ADAMTS3: variants seen among roughly 807,000 people sequenced by gnomAD.
ADAMTS3 encodes A disintegrin and metalloproteinase with thrombospondin motifs 3.
In ADAMTS3, 73 loss-of-function variants were observed where a neutral mutation model predicts 129.0. The ratio of observed to expected loss-of-function variants is 0.57; its 90% confidence interval spans 0.47 to 0.69. The LOEUF (loss-of-function observed/expected upper bound fraction) is 0.69. ADAMTS3 is among the 30% of genes least tolerant of loss of function. The pLI is 0.00. For missense variants in ADAMTS3, 1,457 were observed against 1,514.5 expected, an observed-to-expected ratio of 0.96 and a Z score of 0.63; for synonymous variants, 477 against 510.8, an observed-to-expected ratio of 0.93 and a Z score of 0.89.
chr4:72,318,575 G>A lies in ADAMTS3; in HGVS notation c.1482C>T (p.Thr494=), dbSNP rs781311572. The A allele has an allele frequency of 6.8e-6, 11 of 1,613,292 alleles. No individual in the cohort carries two copies. Among genetic ancestry groups the A allele is most frequent in the African/African-American group, 4.0e-5 (3 of 74,968 alleles). The change falls in exon 10 of 22, where the codon ACC becomes ACT. Residue 494 remains threonine, a synonymous_variant. Coordinates refer to ENST00000286657, the MANE Select transcript of ADAMTS3 (RefSeq NM_014243.3). The stretch of plus-strand genomic sequence containing the variant: ...ACATCAACTGTGAGCAACATACCGC[G>A]GTGCACATTTTATAGCCAACACCAA... ...FDFGVGYKMC[T]AFRTFDPCKQ... is the part of the protein sequence containing the mutation.
At chr4:72,468,542 TC>T (rs1718980870) in intron 3 of ADAMTS3, among the ~76,000 whole-genome samples, 1 of 152,024 alleles carries the variant, frequency 6.6e-6, no homozygotes, top group South Asian at 2.1e-4. Flanking sequence ...ATTAAAAGAC[TC>T]CCCATACCTA....
chr4:72,316,674 C>G (rs1897811), intron 10 of ADAMTS3, among the ~76,000 whole-genome samples: 150,929 of 151,806 alleles, frequency 0.99, 75,035 homozygotes, highest in East Asian at 1. Context: ...TGAGTGACAA[C>G]AGTGAGACAC....
chr4:72,515,395 C>T (rs1057498709), intron 3 of ADAMTS3, among the ~76,000 whole-genome samples: 3 of 151,854 alleles, frequency 2.0e-5, no homozygotes, highest in Admixed American at 2.0e-4. Flanking sequence ...GTTCTAGATC[C>T]TTGAGGAATC....
At chr4:72,548,422 C>G (rs1721520654) in intron 3 of ADAMTS3, 56 bp downstream of exon 3, 1 of 1,559,682 alleles carries the variant, frequency 6.4e-7, no homozygotes, top group African/African-American at 1.4e-5. Flanking sequence ...TATGCAGAAG[C>G]CATGGCTGCA....
rs565076865 is a variant in ADAMTS3 at position 72,323,251 on chromosome 4, T to C, written c.862-154A>G. The C allele has an allele frequency of 3.9e-5, 25 of 638,580 alleles. No homozygotes were observed. The South Asian group carries it at 4.4e-4, about 11-fold the overall frequency. 39.6% of individuals were successfully genotyped at this position (638,580 alleles called of 1,614,324 possible). On this transcript the variant is annotated intron_variant, in intron 5 of 21. Transcript: ENST00000286657. The stretch of plus-strand genomic sequence containing the variant: ...GAACTCTGAAAGGTAGTCATTTACT[T>C]TTAGCTTTGGTACAATGTGTGGATA...
At position 72,316,049 on chromosome 4, in the gene ADAMTS3, C is replaced by A. The variant is rs988418775; in HGVS notation, c.1486-78G>T. On this transcript the variant is annotated intron_variant, in intron 10 of 21. Transcript: ENST00000286657. The stretch of plus-strand genomic sequence containing the variant: ...ACCAAAAATATATTCTATACAGTTT[C>A]TTCTGTCCTGTTTCTTGGATGTGTT... The A allele has an allele frequency of 6.5e-6, 5 of 766,650 alleles. No homozygotes were observed. In the African/African-American group the frequency reaches 8.9e-5, roughly 14 times the overall value. The allele number at this position is 766,650 out of a possible 1,614,324, so 47.5% of individuals were successfully genotyped here. A position where few individuals can be genotyped will look rare whatever the true frequency, so the allele number is the denominator to read the frequency against.
intron 15 of ADAMTS3, 152 bp from the exon 16 acceptor site, chr4:72,306,219 T>C: frequency 1.8e-6 from 1 of 553,118 alleles, no homozygotes; most frequent in Non-Finnish European, 3.1e-6. Flanking sequence ...CTTCAAAGCA[T>C]TGGTAGCTTT....
At position 72,368,725 on chromosome 4, in the gene ADAMTS3, C is replaced by T. The variant is rs148924443; in HGVS notation, c.662-29032G>A. The stretch of plus-strand genomic sequence containing the variant: ...TGACTTCAGAACAAGCCTAGAAACA[C>T]ATGTTTTAATTCTCACTTTCTACCT... On this transcript the variant is annotated intron_variant, in intron 4 of 21. Transcript: ENST00000286657. 4.4e-4 allele frequency among the ~76,000 whole-genome samples: 67 copies of T among 152,292 alleles called. No individual in the cohort carries two copies. In the East Asian group the frequency reaches 5.0e-3, roughly 11 times the overall value.
intron 2 of ADAMTS3, among the ~76,000 whole-genome samples, chr4:72,561,471 C>T (rs1362955420): frequency 6.6e-6 from 1 of 151,830 alleles, no homozygotes; most frequent in African/African-American, 2.4e-5. Flanking sequence ...CATCACTGCA[C>T]TCCAGCTTCT....
chr4:72,378,126 G>A (rs1029252159), intron 4 of ADAMTS3, among the ~76,000 whole-genome samples: 3 of 152,078 alleles, frequency 2.0e-5, no homozygotes, highest in African/African-American at 7.2e-5. Context: ...TTTCAACCAC[G>A]TGAAAAGACA....
At chr4:72,545,753 G>C (rs1339317201) in intron 3 of ADAMTS3, among the ~76,000 whole-genome samples, 1 of 152,110 alleles carries the variant, frequency 6.6e-6, no homozygotes, top group African/African-American at 2.4e-5. Context: ...AGGAGGAATA[G>C]GTGAAAGGCA....
intron 4 of ADAMTS3, among the ~76,000 whole-genome samples, chr4:72,397,522 G>T (rs966087930): frequency 6.6e-6 from 1 of 151,782 alleles, no homozygotes; most frequent in African/African-American, 2.4e-5. Flanking sequence ...CTGAGATTGC[G>T]CAACTGCATT....
chr4:72,555,103 C>T (rs1721730286), intron 2 of ADAMTS3, among the ~76,000 whole-genome samples: 1 of 151,734 alleles, frequency 6.6e-6, no homozygotes, highest in African/African-American at 2.4e-5. Context: ...TATAGATTCA[C>T]AAAATCTGTA....
At chr4:72,421,901 C>T (rs1722455321) in intron 3 of ADAMTS3, among the ~76,000 whole-genome samples, 1 of 152,056 alleles carries the variant, frequency 6.6e-6, no homozygotes, top group African/African-American at 2.4e-5. Flanking sequence ...AAAAAATCAC[C>T]AGTACTAATA....
At chr4:72,545,661 T>C (rs1721446005) in intron 3 of ADAMTS3, among the ~76,000 whole-genome samples, 1 of 152,122 alleles carries the variant, frequency 6.6e-6, no homozygotes, top group Non-Finnish European at 1.5e-5. Context: ...AAGTCTCAAA[T>C]CAGCATGTAA....
At chr4:72,336,740 T>C (rs1245137081) in intron 5 of ADAMTS3, among the ~76,000 whole-genome samples, 1 of 152,164 alleles carries the variant, frequency 6.6e-6, no homozygotes, top group Non-Finnish European at 1.5e-5. Flanking sequence ...GTTGACATTT[T>C]GGGCCAGATA....
At chr4:72,480,863 G>T (rs1719416024) in intron 3 of ADAMTS3, among the ~76,000 whole-genome samples, 1 of 151,194 alleles carries the variant, frequency 6.6e-6, no homozygotes, top group Admixed American at 6.6e-5. Context: ...AATTTAGCAA[G>T]GTAGCATGGT....
At position 72,312,468 on chromosome 4, in the gene ADAMTS3, T is replaced by C; in HGVS notation, c.1746-2A>G. ...CAATCCTGACCACCATTGATGGGCC[T>C]AAAGAAAAGACAACATTTAAAAAGG... is the stretch of plus-strand genomic sequence containing the variant. On this transcript the variant is annotated splice_acceptor_variant, in intron 12 of 21. Transcript: ENST00000286657. LOFTEE classifies it high-confidence loss of function. The C allele has an allele frequency of 6.2e-7, 1 of 1,612,958 alleles. No individual in the cohort carries two copies. The highest frequency in any genetic ancestry group is 8.5e-7 in the Non-Finnish European group (1 of 1,179,336).
intron 3 of ADAMTS3, among the ~76,000 whole-genome samples, chr4:72,519,887 G>A (rs1720612608): frequency 6.6e-6 from 1 of 152,194 alleles, no homozygotes; most frequent in African/African-American, 2.4e-5. Context: ...GTGAAGAACT[G>A]CGTTCCTTTG....
Sources: gnomAD v4.1 joint callset for allele counts (sites outside exome capture counted in the v4.1 genomes callset) on GRCh38, gnomAD v4.1.1 for gene constraint, MANE v1.5 for transcripts, NCBI Gene and HGNC (gene_info 2026-07-23, HGNC 2026-07-21) for gene names.